USP45: variants seen among roughly 807,000 people sequenced by gnomAD.
The protein encoded by USP45 is ubiquitin specific peptidase 45, also known as ubiquitin carboxyl-terminal hydrolase 45.
In USP45, 89 loss-of-function variants were observed where a neutral mutation model predicts 95.8. That is an observed-to-expected ratio of 0.93 (90% CI 0.78 to 1.11). The LOEUF (loss-of-function observed/expected upper bound fraction) is 1.11, where lower values mean the gene tolerates loss of function less well. Ranked by LOEUF, USP45 falls within the 50% of genes least tolerant of loss-of-function variation. USP45 has a pLI of 0.00. For missense variants in USP45, 898 were observed against 942.5 expected (o/e 0.95, Z 0.62); for synonymous variants, 281 against 316.2 (o/e 0.89, Z 1.18).
At chr6:99,500,722 C>T (rs987629899) in intron 5 of USP45, among the ~76,000 whole-genome samples, 1 of 152,192 alleles carries the variant, frequency 6.6e-6, no homozygotes, top group Admixed American at 6.5e-5. Context: ...AAGTCTTTCA[C>T]CACCATATTT....
At position 99,497,193 on chromosome 6, in the gene USP45, T is replaced by C. The variant is rs1331078093; in HGVS notation, c.478+6572A>G. On this transcript the variant is annotated intron_variant, in intron 5 of 17. Coordinates refer to ENST00000500704, the MANE Select transcript of USP45 (RefSeq NM_001346022.3). Reference sequence around the variant, plus strand: ...TATTTCTGGGTGGGACTCACAAAAATGCTTATTTGCCCATTTTCAGTCTTG... The same window carrying C: ...TATTTCTGGGTGGGACTCACAAAAACGCTTATTTGCCCATTTTCAGTCTTG... Among the ~76,000 whole-genome samples, 4 of 152,142 alleles carry C rather than the reference T, an allele frequency of 2.6e-5. No individual in the cohort carries two copies. In the East Asian group the frequency reaches 5.8e-4, roughly 22 times the overall value.
intron 13 of USP45, 29 bp from the exon 14 acceptor site, chr6:99,446,492 A>G: frequency 8.0e-7 from 1 of 1,252,386 alleles, no homozygotes; most frequent in Non-Finnish European, 1.1e-6. Flanking sequence ...TTCAAAGAAA[A>G]GAGTCTTGTA....
In USP45 at chr6:99,434,523, G is replaced by A. The variant is rs1780164810; in HGVS notation, c.*1193C>T. 6.6e-6 allele frequency: 1 copy of A among 152,010 alleles called. No homozygotes were observed. 9.4% of individuals were successfully genotyped at this position (152,010 alleles called of 1,614,324 possible). A position where few individuals can be genotyped will look rare whatever the true frequency, so the allele number is the denominator to read the frequency against. ...GCCTAAGTAATAGTATATTCTTCATGCCAAGTTTTGACAGCTCAATAATTT... is the reference window on the plus strand; with the variant it reads ...GCCTAAGTAATAGTATATTCTTCATACCAAGTTTTGACAGCTCAATAATTT... On this transcript the variant is annotated 3_prime_UTR_variant, in exon 18 of 18. Transcript: ENST00000500704.
rs35285232 is a variant in USP45, at chr6:99,455,819, TAAA to T, written c.1308+8782_1308+8784del. Among the ~76,000 whole-genome samples the T allele has an allele frequency of 5.2e-4, 23 of 44,368 alleles. 1 individual carries two copies. The highest frequency in any genetic ancestry group is 1.9e-3 in the African/African-American group (20 of 10,318). The allele number at this position is 44,368 out of a possible 152,430, so 29.1% of individuals were successfully genotyped here. A position where few individuals can be genotyped will look rare whatever the true frequency, so the allele number is the denominator to read the frequency against. On this transcript the variant is annotated intron_variant, in intron 13 of 17. Transcript: ENST00000500704. ...CATGTTCTCACTCTTATGTGAGAGC[TAAA>T]AAAAAAAAAAAAAAAAAAAAAAAAA...
chr6:99,512,359 C>T (rs1800075523), intron 1 of USP45, among the ~76,000 whole-genome samples: 1 of 152,152 alleles, frequency 6.6e-6, no homozygotes, highest in Admixed American at 6.5e-5. Context: ...AATACTCTTT[C>T]GACAGCAAAG....
rs889023418 is a variant in USP45, at chr6:99,451,528, A to G, written c.1309-5065T>C. On this transcript the variant is annotated intron_variant, in intron 13 of 17. Transcript: ENST00000500704. ...ACAAACCACTGCTCAACAAAATAAA[A>G]GAGAACAGAAACAAATGGAAGAACC... Among the ~76,000 whole-genome samples, 23 of 152,258 alleles carry G rather than the reference A, an allele frequency of 1.5e-4. 1 individual carries two copies. The highest frequency in any genetic ancestry group is 5.3e-4 in the African/African-American group (22 of 41,478).
intron 13 of USP45, among the ~76,000 whole-genome samples, chr6:99,446,959 G>T (rs1172484848): frequency 6.6e-6 from 1 of 152,116 alleles, no homozygotes; most frequent in Non-Finnish European, 1.5e-5. Context: ...GCTTAGGCTG[G>T]TCTTGAACTC....
At chr6:99,440,914 C>T (rs886808497) in intron 15 of USP45, among the ~76,000 whole-genome samples, 2 of 152,154 alleles carry the variant, frequency 1.3e-5, no homozygotes, top group Admixed American at 6.5e-5. Flanking sequence ...CAGTACTTTG[C>T]TGTTGAGAAA....
intron 5 of USP45, among the ~76,000 whole-genome samples, chr6:99,490,493 T>C (rs1794931102): frequency 6.6e-6 from 1 of 151,956 alleles, no homozygotes; most frequent in Non-Finnish European, 1.5e-5. Context: ...CCTTAGATTT[T>C]ATAGTTCTTT....
At chr6:99,478,917 T>C (rs1437945646) in intron 8 of USP45, among the ~76,000 whole-genome samples, 1 of 151,736 alleles carries the variant, frequency 6.6e-6, no homozygotes, top group Non-Finnish European at 1.5e-5. Context: ...CCACAAATTA[T>C]GCCAAGTGAA....
At chr6:99,504,475 G>A (rs1333297999) in intron 4 of USP45, among the ~76,000 whole-genome samples, 1 of 152,120 alleles carries the variant, frequency 6.6e-6, no homozygotes, top group Non-Finnish European at 1.5e-5. Context: ...TCTCACTAAT[G>A]TGATAAACTA....
At chr6:99,445,096 T>C (rs1782234449) in intron 14 of USP45, among the ~76,000 whole-genome samples, 1 of 152,194 alleles carries the variant, frequency 6.6e-6, no homozygotes, top group South Asian at 2.1e-4. Flanking sequence ...CTATTTAAAA[T>C]CTTCAAAATT....
chr6:99,493,473 T>C (rs183255829), intron 5 of USP45, among the ~76,000 whole-genome samples: 176 of 152,292 alleles, frequency 1.2e-3, no homozygotes, highest in African/African-American at 4.2e-3. Flanking sequence ...TCTCAATTAC[T>C]TGACATTCAT....
intron 13 of USP45, among the ~76,000 whole-genome samples, chr6:99,463,800 C>CAAA (rs398002416): frequency 2.3e-4 from 19 of 84,440 alleles, no homozygotes; most frequent in African/African-American, 2.9e-4. Context: ...GACTCCATCT[C>CAAA]AAAAAAAAAA....
At chr6:99,484,025 T>TTTTTTTTTTA (rs1427246582) in intron 7 of USP45, among the ~76,000 whole-genome samples, 3 of 145,564 alleles carry the variant, frequency 2.1e-5, no homozygotes, top group African/African-American at 2.5e-5. Context: ...TTTTTTTTTT[T>TTTTTTTTTTA]AAAGAGACAG....
chr6:99,490,234 G>C (rs575896002), intron 5 of USP45, among the ~76,000 whole-genome samples: 1 of 151,884 alleles, frequency 6.6e-6, no homozygotes, highest in South Asian at 2.1e-4. Flanking sequence ...TGCAATCTCA[G>C]CTCACTGCAA....
chr6:99,448,493 A>T (rs1783051708), intron 13 of USP45, among the ~76,000 whole-genome samples: 1 of 152,202 alleles, frequency 6.6e-6, no homozygotes, highest in Non-Finnish European at 1.5e-5. Flanking sequence ...TTTAGAGAAA[A>T]AAGAATAAAA....
At position 99,465,085 on chromosome 6, in the gene USP45, C is replaced by T; in HGVS notation, c.1159G>A (p.Glu387Lys). The change falls in exon 12 of 18, where the codon GAA (glutamate) becomes AAA (lysine). Residue 387 changes from glutamate (E) to lysine (K), a missense_variant. By Grantham distance (56) the Glu-to-Lys change is moderately conservative. Coordinates refer to ENST00000500704, the MANE Select transcript of USP45 (RefSeq NM_001346022.3). ...ATTAGTTTTCTTCTCCTTACCCTTT[C>T]TTCTATTATAGGAAGTGAAATATCA... ...FIDISLPIIE[E>K]RVSKPLLWGR... The T allele has an allele frequency of 6.3e-7, 1 of 1,593,778 alleles. No individual in the cohort carries two copies. Among genetic ancestry groups the T allele is most frequent in the African/African-American group, 1.3e-5 (1 of 74,560 alleles).
chr6:99,493,331 T>C (rs1296790545), intron 5 of USP45, among the ~76,000 whole-genome samples: 2 of 151,996 alleles, frequency 1.3e-5, no homozygotes, highest in Non-Finnish European at 2.9e-5. Flanking sequence ...CGGCCAAGCC[T>C]TAAATTTATG....
Sources: allele counts gnomAD v4.1 joint callset (sites outside exome capture counted in the v4.1 genomes callset), GRCh38; gene constraint gnomAD v4.1.1; transcripts MANE v1.5; gene names NCBI Gene and HGNC (gene_info 2026-07-23, HGNC 2026-07-21).